Variants in LRP1B observed in about 807,000 individuals in gnomAD.
LRP1B encodes the protein LDL receptor related protein 1B.
In LRP1B, 217 loss-of-function variants were observed where a neutral mutation model predicts 556.6. The observed-to-expected ratio is 0.39, with a 90% CI of 0.35 to 0.44. The LOEUF is 0.44. LRP1B is among the 20% of genes least tolerant of loss of function. The pLI is 1.00. For missense variants in LRP1B, 5,053 were observed against 5,620.8 expected (o/e 0.90, Z 3.23); for synonymous variants, 2,047 against 1,865.8 (o/e 1.10, Z -2.50).
chr2:141,226,119 C>CA (rs1166723569), intron 6 of LRP1B, among the ~76,000 whole-genome samples: 3 of 71,676 alleles, frequency 4.2e-5, no homozygotes, highest in African/African-American at 8.9e-5. Flanking sequence ...CTCAATTTTC[C>CA]CCCCCAAAAA....
intron 11 of LRP1B, among the ~76,000 whole-genome samples, chr2:141,025,488 A>G (rs1698192823): frequency 6.6e-6 from 1 of 152,106 alleles, no homozygotes; most frequent in Non-Finnish European, 1.5e-5. Flanking sequence ...TATGAACATC[A>G]GTAGAATTTG....
intron 86 of LRP1B, among the ~76,000 whole-genome samples, chr2:140,267,480 ATACC>A (rs1351909712): frequency 2.6e-5 from 4 of 151,988 alleles, no homozygotes; most frequent in African/African-American, 9.7e-5. Context: ...ATTATTTATA[ATACC>A]TAACACAATG....
intron 7 of LRP1B, among the ~76,000 whole-genome samples, chr2:141,116,844 G>A (rs1354418577): frequency 6.6e-6 from 1 of 151,724 alleles, no homozygotes; most frequent in African/African-American, 2.4e-5. Context: ...ACTTTCCATA[G>A]TCTTACCACA....
At chr2:141,529,367 C>A (rs1267971651) in intron 2 of LRP1B, among the ~76,000 whole-genome samples, 1 of 152,168 alleles carries the variant, frequency 6.6e-6, no homozygotes, top group Non-Finnish European at 1.5e-5. Context: ...GCCCTTGAGG[C>A]ACTCACTTTC....
intron 23 of LRP1B, among the ~76,000 whole-genome samples, chr2:140,901,777 A>G (rs1018556457): frequency 1.3e-5 from 2 of 152,192 alleles, no homozygotes; most frequent in Non-Finnish European, 2.9e-5. Context: ...TATTTATTAT[A>G]TATTTATTTT....
At chr2:140,960,014 G>A (rs899888830) in intron 18 of LRP1B, among the ~76,000 whole-genome samples, 1 of 106,900 alleles carries the variant, frequency 9.4e-6, no homozygotes, top group African/African-American at 3.5e-5. Flanking sequence ...TTTAAAAGTA[G>A]CATATTATTA....
chr2:141,859,341 A>G (rs1238584446), intron 1 of LRP1B, among the ~76,000 whole-genome samples: 1 of 152,190 alleles, frequency 6.6e-6, no homozygotes, highest in African/African-American at 2.4e-5. Flanking sequence ...GAAATAGTCT[A>G]TGAGTTTATA....
chr2:141,583,901 G>A lies in LRP1B; in HGVS notation c.206-103368C>T, dbSNP rs1400129242. Among the ~76,000 whole-genome samples, 5 of 140,808 alleles carry A rather than the reference G, an allele frequency of 3.6e-5. No homozygotes were observed. In the East Asian group the frequency reaches 8.2e-4, roughly 23 times the overall value. The allele number at this position is 140,808 out of a possible 152,430, so 92.4% of individuals were successfully genotyped here. ...ACTACAGCCATGCACCACCATGCCC[G>A]GCTAATTTTTTTTTTTTTAGTAGCG... On this transcript the variant is annotated intron_variant, in intron 2 of 90. Transcript: ENST00000389484.
intron 1 of LRP1B, among the ~76,000 whole-genome samples, chr2:141,840,738 C>T (rs1466775812): frequency 6.6e-6 from 1 of 152,026 alleles, no homozygotes; most frequent in African/African-American, 2.4e-5. Flanking sequence ...CACTGCCAGA[C>T]AAAATACAGG....
chr2:141,818,937 G>A (rs1696660920), intron 1 of LRP1B, among the ~76,000 whole-genome samples: 1 of 151,254 alleles, frequency 6.6e-6, no homozygotes, highest in South Asian at 2.1e-4. Context: ...TGGCATTTTA[G>A]ATCCTTTAAT....
chr2:140,593,608 A>G (rs888781479), intron 43 of LRP1B, among the ~76,000 whole-genome samples: 2 of 152,194 alleles, frequency 1.3e-5, no homozygotes, highest in African/African-American at 4.8e-5. Context: ...TTAATGTGTT[A>G]TTAAAATCAG....
chr2:141,552,417 A>G (rs1685787462), intron 2 of LRP1B, among the ~76,000 whole-genome samples: 1 of 152,054 alleles, frequency 6.6e-6, no homozygotes, highest in Admixed American at 6.6e-5. Flanking sequence ...TAGCTTGGTA[A>G]TATGCTTAAA....
At chr2:142,001,626 G>C (rs968946237) in intron 1 of LRP1B, among the ~76,000 whole-genome samples, 8 of 152,118 alleles carry the variant, frequency 5.3e-5, no homozygotes, top group Admixed American at 3.9e-4. Context: ...ATACAGCAAA[G>C]TTCATTGGAG....
intron 1 of LRP1B, among the ~76,000 whole-genome samples, chr2:141,946,804 T>G (rs1461193110): frequency 2.0e-5 from 3 of 152,216 alleles, no homozygotes; most frequent in Admixed American, 6.5e-5. Flanking sequence ...TTATTTGTTA[T>G]AAGCCTAAAA....
At chr2:141,654,350 C>T (rs1392797724) in intron 2 of LRP1B, among the ~76,000 whole-genome samples, 1 of 152,148 alleles carries the variant, frequency 6.6e-6, no homozygotes, top group East Asian at 1.9e-4. Flanking sequence ...CAAGGGAGTA[C>T]TGTCTTGACA....
At chr2:140,918,866 G>A (rs1043063961) in intron 21 of LRP1B, among the ~76,000 whole-genome samples, 2 of 151,942 alleles carry the variant, frequency 1.3e-5, no homozygotes, top group African/African-American at 4.8e-5. Context: ...CTAGAACTGT[G>A]AGAAATAAAT....
chr2:141,098,721 G>A (rs890949686), intron 7 of LRP1B, among the ~76,000 whole-genome samples: 3 of 152,274 alleles, frequency 2.0e-5, no homozygotes, highest in East Asian at 1.9e-4. Flanking sequence ...GCGATGGCAC[G>A]ATCTTGGCTC....
intron 7 of LRP1B, among the ~76,000 whole-genome samples, chr2:141,074,871 A>G (rs541230494): frequency 6.6e-5 from 10 of 152,194 alleles, no homozygotes; most frequent in Non-Finnish European, 1.2e-4. Flanking sequence ...GTTCGTTTTC[A>G]TTGTCCTTTT....
rs1055169115 is a variant in LRP1B, at chr2:141,761,370, AAT to A, written c.205+48907_205+48908del. Reference sequence around the variant, plus strand: ...CAGCAATCCTAAGTCAAAAAAAAAAAATACATTGAAGTCTAGTTTATTATGTA... The same window carrying A: ...CAGCAATCCTAAGTCAAAAAAAAAAAACATTGAAGTCTAGTTTATTATGTA... On this transcript the variant is annotated intron_variant, in intron 2 of 90. Coordinates refer to ENST00000389484, the MANE Select transcript of LRP1B (RefSeq NM_018557.3). Among the ~76,000 whole-genome samples, 54 of 151,436 alleles carry A rather than the reference AAT, an allele frequency of 3.6e-4. No homozygotes were observed. The East Asian group carries it at 3.7e-3, about 10-fold the overall frequency.
Sources: gnomAD v4.1 joint callset for allele counts (sites outside exome capture counted in the v4.1 genomes callset) on GRCh38, gnomAD v4.1.1 for gene constraint, MANE v1.5 for transcripts, NCBI Gene and HGNC (gene_info 2026-07-23, HGNC 2026-07-21) for gene names.